Variants in PTPRD observed in about 807,000 individuals in gnomAD.
PTPRD encodes receptor-type tyrosine-protein phosphatase delta.
Under a neutral mutation model 214.5 loss-of-function variants are expected in PTPRD, and 34 were observed. The ratio of observed to expected loss-of-function variants is 0.16; its 90% confidence interval spans 0.12 to 0.21. The LOEUF is 0.21. Ranked by LOEUF, PTPRD falls within the 10% of genes least tolerant of loss-of-function variation. The probability of loss-of-function intolerance (pLI) is 1.00; values close to 1 mark genes in which losing one functional copy is unlikely to be tolerated. For synonymous variants in PTPRD, 1,128 were observed against 845.7 expected (o/e 1.33, Z -5.79); for missense variants, 2,545 against 2,398.7 (o/e 1.06, Z -1.27).
intron 14 of PTPRD, among the ~76,000 whole-genome samples, chr9:8,532,734 G>T (rs563977233): frequency 2.6e-5 from 4 of 151,918 alleles, no homozygotes; most frequent in Non-Finnish European, 1.5e-5. Context: ...GTCATTTTGA[G>T]AGGCCATTAA....
chr9:9,202,622 A>T (rs1160971727), intron 9 of PTPRD, among the ~76,000 whole-genome samples: 1 of 152,110 alleles, frequency 6.6e-6, no homozygotes, highest in Non-Finnish European at 1.5e-5. Flanking sequence ...GTACATTATT[A>T]GTTGTTGCCT....
chr9:9,839,689 T>C (rs1025101803), intron 5 of PTPRD, among the ~76,000 whole-genome samples: 2 of 152,038 alleles, frequency 1.3e-5, no homozygotes, highest in Non-Finnish European at 2.9e-5. Context: ...CTTCACAGAA[T>C]TGGAAAAAAC....
chr9:10,105,440 A>G (rs1238333846), intron 3 of PTPRD, among the ~76,000 whole-genome samples: 1 of 151,844 alleles, frequency 6.6e-6, no homozygotes, highest in Non-Finnish European at 1.5e-5. Flanking sequence ...GCAGTGTTTT[A>G]TGGCAAGTGC....
chr9:9,717,484 T>A (rs188379961), intron 7 of PTPRD, among the ~76,000 whole-genome samples: 99 of 152,350 alleles, frequency 6.5e-4, no homozygotes, highest in African/African-American at 2.3e-3. Flanking sequence ...AGCTTTTTAA[T>A]GAAGTCATCT....
chr9:8,653,631 T>G (rs1051529863), intron 12 of PTPRD, among the ~76,000 whole-genome samples: 3 of 152,112 alleles, frequency 2.0e-5, no homozygotes, highest in African/African-American at 7.2e-5. Context: ...CAGCCTCAAC[T>G]ATACCCCTCT....
At chr9:10,171,951 G>A (rs2099210583) in intron 3 of PTPRD, among the ~76,000 whole-genome samples, 1 of 152,092 alleles carries the variant, frequency 6.6e-6, no homozygotes, top group Non-Finnish European at 1.5e-5. Context: ...AAAAGACATG[G>A]TGTTATATTT....
chr9:9,788,563 AAAG>A (rs1247184933), intron 5 of PTPRD, among the ~76,000 whole-genome samples: 3 of 150,962 alleles, frequency 2.0e-5, no homozygotes, highest in Non-Finnish European at 4.4e-5. Context: ...AAAAAAAAAA[AAAG>A]AAAGAAAAAA....
intron 11 of PTPRD, among the ~76,000 whole-genome samples, chr9:8,854,352 T>G (rs2097874386): frequency 6.6e-6 from 1 of 152,212 alleles, no homozygotes; most frequent in Non-Finnish European, 1.5e-5. Flanking sequence ...AGGATAGTTT[T>G]AAAATGAAGT....
chr9:9,587,375 A>T (rs1476899495), intron 7 of PTPRD, among the ~76,000 whole-genome samples: 1 of 152,082 alleles, frequency 6.6e-6, no homozygotes, highest in African/African-American at 2.4e-5. Flanking sequence ...TTTATTTTAT[A>T]GACAAATTAA....
chr9:9,961,846 T>C (rs987065919), intron 4 of PTPRD, among the ~76,000 whole-genome samples: 6 of 152,168 alleles, frequency 3.9e-5, no homozygotes, highest in African/African-American at 1.4e-4. Context: ...TTGTCACATA[T>C]GTCTCTTATT....
chr9:10,057,476 A>G (rs543235845), intron 3 of PTPRD, among the ~76,000 whole-genome samples: 1 of 149,192 alleles, frequency 6.7e-6, no homozygotes, highest in Non-Finnish European at 1.5e-5. Flanking sequence ...TCTTTCTTTC[A>G]TAGACCTAAG....
rs949119397 is a variant in PTPRD, at chr9:8,427,405, G to T, written c.4086+9187C>A. 3.9e-5 allele frequency among the ~76,000 whole-genome samples: 6 copies of T among 152,106 alleles called. No homozygotes were observed. In the South Asian group the frequency reaches 1.2e-3, roughly 32 times the overall value. ...TACTAGCAATTTTGATCACAACAAA[G>T]AGTTTCTATGAACTGTAAATTTAGT... On this transcript the variant is annotated intron_variant, in intron 35 of 45. Coordinates refer to ENST00000381196, the MANE Select transcript of PTPRD (RefSeq NM_002839.4).
intron 10 of PTPRD, among the ~76,000 whole-genome samples, chr9:9,122,306 T>C (rs2099818376): frequency 6.6e-6 from 1 of 152,182 alleles, no homozygotes; most frequent in Admixed American, 6.6e-5. Flanking sequence ...CCTTTGCCTT[T>C]TAAAACAAGA....
intron 14 of PTPRD, among the ~76,000 whole-genome samples, chr9:8,541,837 A>G (rs905346710): frequency 2.0e-5 from 3 of 152,234 alleles, no homozygotes; most frequent in African/African-American, 7.2e-5. Flanking sequence ...TATCATATAT[A>G]AAAGCAAACA....
intron 10 of PTPRD, among the ~76,000 whole-genome samples, chr9:9,025,955 C>T (rs147932333): frequency 1.3e-5 from 2 of 151,896 alleles, no homozygotes; most frequent in African/African-American, 2.4e-5. Context: ...CTCAGATAAA[C>T]ATTTTATGCT....
At chr9:9,909,536 A>G (rs532087294) in intron 5 of PTPRD, among the ~76,000 whole-genome samples, 1 of 152,056 alleles carries the variant, frequency 6.6e-6, no homozygotes, top group African/African-American at 2.4e-5. Context: ...TGGTTGATAT[A>G]TTTATATGAA....
intron 2 of PTPRD, among the ~76,000 whole-genome samples, chr9:10,548,430 C>T (rs2060606881): frequency 6.6e-6 from 1 of 152,182 alleles, no homozygotes; most frequent in East Asian, 1.9e-4. Context: ...TCATCTATGG[C>T]ATCAATCACT....
At chr9:8,411,344 T>G (rs2093503760) in intron 35 of PTPRD, among the ~76,000 whole-genome samples, 1 of 152,092 alleles carries the variant, frequency 6.6e-6, no homozygotes, top group South Asian at 2.1e-4. Context: ...GTCATGCCTG[T>G]CCAGGCTGAA....
chr9:10,388,901 A>G (rs1423319178), intron 2 of PTPRD, among the ~76,000 whole-genome samples: 1 of 151,872 alleles, frequency 6.6e-6, no homozygotes, highest in African/African-American at 2.4e-5. Flanking sequence ...AACCAATTGT[A>G]AGTATTATCC....
Sources: gnomAD v4.1 joint callset for allele counts (sites outside exome capture counted in the v4.1 genomes callset) on GRCh38, gnomAD v4.1.1 for gene constraint, MANE v1.5 for transcripts, NCBI Gene and HGNC (gene_info 2026-07-23, HGNC 2026-07-21) for gene names.